SNRPA: variants seen among roughly 807,000 people sequenced by gnomAD.
SNRPA encodes the protein small nuclear ribonucleoprotein polypeptide A, also known as U1 small nuclear ribonucleoprotein A.
A neutral mutation model predicts 24.5 loss-of-function variants in SNRPA; 10 were observed. The observed-to-expected ratio is 0.41, with a 90% CI of 0.25 to 0.69. The LOEUF is 0.69. Among genes scored for constraint, SNRPA ranks in the 30% least tolerant of loss-of-function variants. The probability of loss-of-function intolerance (pLI) is 0.33; values close to 1 mark genes in which losing one functional copy is unlikely to be tolerated. For synonymous variants in SNRPA, 165 were observed against 148.4 expected (o/e 1.11, Z -0.81); for missense variants, 283 against 394.7 (o/e 0.72, Z 2.40).
chr19:40,761,123 G>A (rs1430541776), intron 3 of SNRPA, among the ~76,000 whole-genome samples: 1 of 143,134 alleles, frequency 7.0e-6, no homozygotes, highest in African/African-American at 2.7e-5. Context: ...CCACGTCCAT[G>A]TGCAAAAAAA....
At chr19:40,763,766 C>A in intron 5 of SNRPA, 91 bp downstream of exon 5, 1 of 1,084,572 alleles carries the variant, frequency 9.2e-7, no homozygotes, top group Non-Finnish European at 1.4e-6. Flanking sequence ...GCCAGCAGAG[C>A]TCTGAGCCAA....
intron 3 of SNRPA, 46 bp from the exon 4 acceptor site, chr19:40,762,855 C>T (rs1180822089): frequency 5.6e-6 from 9 of 1,594,738 alleles, no homozygotes; most frequent in East Asian, 2.3e-5. Context: ...TCTTCTCTGC[C>T]TCCTGGGGCT....
At position 40,763,133 on chromosome 19, in the gene SNRPA, A is replaced by G. The variant is rs902503701; in HGVS notation, c.600+59A>G. 9 of 1,357,182 alleles carry G rather than the reference A, an allele frequency of 6.6e-6. No individual in the cohort carries two copies. In the East Asian group the frequency reaches 9.5e-5, roughly 14 times the overall value. The allele number at this position is 1,357,182 out of a possible 1,614,324, so 84.1% of individuals were successfully genotyped here. A position where few individuals can be genotyped will look rare whatever the true frequency, so the allele number is the denominator to read the frequency against. On this transcript the variant is annotated intron_variant, in intron 4 of 5. Transcript: ENST00000243563. ...TAAATAGTGAGAATACAGGACTAGA[A>G]AGGGACCAGTTGGGGGGCTGCTGTA...
chr19:40,762,513 G>A (rs144997188), intron 3 of SNRPA, among the ~76,000 whole-genome samples: 99 of 149,808 alleles, frequency 6.6e-4, no homozygotes, highest in Non-Finnish European at 1.0e-3. Flanking sequence ...CATCGTGCCC[G>A]GCCTACCACA....
chr19:40,763,198 T>C, intron 4 of SNRPA, 124 bp downstream of exon 4: 1 of 693,706 alleles, frequency 1.4e-6, no homozygotes, highest in South Asian at 1.9e-5. Flanking sequence ...GAGGTGGTAC[T>C]GAATGAGGAA....
intron 1 of SNRPA, among the ~76,000 whole-genome samples, chr19:40,754,946 G>A (rs1243871576): frequency 6.6e-6 from 1 of 152,094 alleles, no homozygotes. Context: ...AACCAGAAAT[G>A]TCACCACCAG....
At chr19:40,763,104 C>T (rs144285803) in intron 4 of SNRPA, 30 bp downstream of exon 4, 3 of 1,507,424 alleles carry the variant, frequency 2.0e-6, no homozygotes, top group East Asian at 2.3e-5. Context: ...CACCAGGTCT[C>T]ATATAAATAG....
At chr19:40,764,336 A>G (rs972272132) in intron 5 of SNRPA, among the ~76,000 whole-genome samples, 22 of 152,194 alleles carry the variant, frequency 1.4e-4, no homozygotes, top group African/African-American at 5.1e-4. Flanking sequence ...GCAACTTTAT[A>G]ATAGTGCCGA....
intron 4 of SNRPA, 105 bp downstream of exon 4, chr19:40,763,179 C>T (rs2082940409): frequency 7.4e-6 from 6 of 813,946 alleles, no homozygotes; most frequent in Admixed American, 5.9e-5. Flanking sequence ...TCTGGGCAGG[C>T]CCCCTGAGGA....
At chr19:40,756,484 T>C (rs1402694321) in intron 1 of SNRPA, among the ~76,000 whole-genome samples, 2 of 151,694 alleles carry the variant, frequency 1.3e-5, no homozygotes, top group East Asian at 1.9e-4. Flanking sequence ...TGGTCCCAGC[T>C]ACTCCATAGG....
chr19:40,765,253 C>T lies in SNRPA; in HGVS notation c.*86C>T, dbSNP rs964876465. 8 of 888,898 alleles carry T rather than the reference C, an allele frequency of 9.0e-6. No individual in the cohort carries two copies. Among genetic ancestry groups the T allele is most frequent in the Non-Finnish European group, 1.3e-5 (8 of 627,328 alleles). The allele number at this position is 888,898 out of a possible 1,614,324, so 55.1% of individuals were successfully genotyped here. On this transcript the variant is annotated 3_prime_UTR_variant, in exon 6 of 6. Transcript: ENST00000243563. ...CTCAGCCCCCTGAAGGTAAGTCCCCCCTTGGGGGCCTTCTTGGAGCCGTGT... is the reference window on the plus strand; with the variant it reads ...CTCAGCCCCCTGAAGGTAAGTCCCCTCTTGGGGGCCTTCTTGGAGCCGTGT...
intron 4 of SNRPA, 25 bp downstream of exon 4, chr19:40,763,099 G>A (rs1244525345): frequency 1.1e-5 from 16 of 1,521,278 alleles, no homozygotes; most frequent in Non-Finnish European, 1.2e-5. Flanking sequence ...CCACCCACCA[G>A]GTCTCATATA....
In SNRPA at chr19:40,757,535, G is replaced by C. The variant is rs369564936; in HGVS notation, c.246+31G>C. 203 of 1,582,628 alleles carry C rather than the reference G, an allele frequency of 1.3e-4. 1 individual carries two copies. The African/African-American group carries it at 2.6e-3, about 20-fold the overall frequency. ...CATTGCGGGTACGGAGGCTGTGTGG[G>C]TGTGTAAAATGTTATAGGAGACTGG... On this transcript the variant is annotated intron_variant, in intron 2 of 5. Transcript: ENST00000243563.
At chr19:40,762,001 T>G (rs1296342773) in intron 3 of SNRPA, among the ~76,000 whole-genome samples, 5 of 152,094 alleles carry the variant, frequency 3.3e-5, no homozygotes, top group Non-Finnish European at 5.9e-5. Flanking sequence ...ACTCACACTT[T>G]CTCCAAGTTG....
At chr19:40,758,382 T>C (rs2082917421) in intron 2 of SNRPA, among the ~76,000 whole-genome samples, 2 of 152,184 alleles carry the variant, frequency 1.3e-5, no homozygotes. Flanking sequence ...ATCTGGCAGG[T>C]TCTCCTTAAA....
Position 40,759,463 on chromosome 19 carries a change from C to T in SNRPA, c.279C>T (p.Ile93=), listed in dbSNP as rs1369808756. 6.2e-7 allele frequency: 1 copy of T among 1,613,674 alleles called. No individual in the cohort carries two copies. The highest frequency in any genetic ancestry group is 1.7e-5 in the Admixed American group (1 of 59,904). ...RIQYAKTDSD[I]IAKMKGTFVE... is the part of the protein sequence containing the mutation. ...AGTATGCCAAGACCGACTCAGATATCATTGCCAAGATGAAAGGCACCTTCG... is the reference window on the plus strand; with the variant it reads ...AGTATGCCAAGACCGACTCAGATATTATTGCCAAGATGAAAGGCACCTTCG... The change falls in exon 3 of 6, where the codon ATC becomes ATT. Residue 93 remains isoleucine (I), a synonymous_variant. Transcript: ENST00000243563.
intron 1 of SNRPA, among the ~76,000 whole-genome samples, chr19:40,755,822 G>A (rs1355420411): frequency 6.6e-6 from 1 of 152,206 alleles, no homozygotes; most frequent in Non-Finnish European, 1.5e-5. Context: ...GGTTCAGATG[G>A]AATACGTGGA....
At position 40,757,408 on chromosome 19, in the gene SNRPA, G is replaced by C; in HGVS notation, c.150G>C (p.Lys50Asn). The C allele has an allele frequency of 6.2e-7, 1 of 1,614,182 alleles. No homozygotes were observed. Among genetic ancestry groups the C allele is most frequent in the Non-Finnish European group, 8.5e-7 (1 of 1,180,024 alleles). Residue 50 changes from lysine to asparagine, a missense_variant, in exon 2 of 6, where the codon AAG becomes AAC. Lys to Asn is a moderately conservative substitution (Grantham distance 94). Coordinates refer to ENST00000243563, the MANE Select transcript of SNRPA (RefSeq NM_004596.5). Reference protein sequence around the residue: ...ILDILVSRSLKMRGQAFVIFK... With the variant: ...ILDILVSRSLNMRGQAFVIFK... ...ATATCCTGGTATCACGGAGCCTGAA[G>C]ATGAGGGGCCAGGCCTTTGTCATCT...
At position 40,759,539 on chromosome 19, in the gene SNRPA, C is replaced by G. The variant is rs746136877; in HGVS notation, c.355C>G (p.Pro119Ala). ...EKRKPKSQET[P>A]ATKKAVQGGG... is the part of the protein sequence containing the mutation. ...GAGGAAGCCCAAGAGCCAGGAGACC[C>G]CGGCCACCAAGAAGGCTGTGCAAGG... The change falls in exon 3 of 6, where the codon CCG (proline) becomes GCG (alanine). Residue 119 changes from proline to alanine, a missense_variant. Physicochemically the swap from Pro to Ala is conservative, Grantham distance 27 (BLOSUM62 -1). Coordinates refer to ENST00000243563, the MANE Select transcript of SNRPA (RefSeq NM_004596.5). 1.9e-6 allele frequency: 3 copies of G among 1,613,982 alleles called. No homozygotes were observed. The highest frequency in any genetic ancestry group is 2.5e-6 in the Non-Finnish European group (3 of 1,179,952).
Sources: gnomAD v4.1 joint callset for allele counts (sites outside exome capture counted in the v4.1 genomes callset) on GRCh38, gnomAD v4.1.1 for gene constraint, MANE v1.5 for transcripts, NCBI Gene and HGNC (gene_info 2026-07-23, HGNC 2026-07-21) for gene names.